KCNN4: variants seen among roughly 807,000 people sequenced by gnomAD.
KCNN4 encodes the protein potassium calcium-activated channel subfamily N member 4, also known as intermediate conductance calcium-activated potassium channel protein 4.
KCNN4 carries 31 observed loss-of-function variants against 45.2 expected under a neutral mutation model. The observed-to-expected ratio is 0.69, with a 90% CI of 0.52 to 0.92. KCNN4 has a LOEUF of 0.92. Ranked by LOEUF, KCNN4 falls within the 40% of genes least tolerant of loss-of-function variation. The pLI, the probability that KCNN4 is intolerant of heterozygous loss-of-function variation, is 0.00. For missense variants in KCNN4, 463 were observed against 574.0 expected (o/e 0.81, Z 1.98); for synonymous variants, 231 against 254.6 (o/e 0.91, Z 0.88).
intron 1 of KCNN4, 63 bp downstream of exon 1, chr19:43,780,640 A>ACCCCCCCCCCCCCCCCC: frequency 2.2e-6 from 1 of 464,876 alleles, no homozygotes; most frequent in Non-Finnish European, 3.0e-6. Flanking sequence ...AAGAGTCCTG[A>ACCCCCCCCCCCCCCCCC]CCCCCAGCCC....
chr19:43,775,628 A>G (rs1480583844), intron 2 of KCNN4, among the ~76,000 whole-genome samples: 1 of 152,190 alleles, frequency 6.6e-6, no homozygotes, highest in African/African-American at 2.4e-5. Context: ...CACATGGCCA[A>G]TAATCCCCAT....
In KCNN4 at chr19:43,769,218, C is replaced by A; in HGVS notation, c.1050-186G>T. ...CACGAGCCCCCATCCCCAGTAGAAA[C>A]CCAGGTACCCAGGTCCGCAGACACA... On this transcript the variant is annotated intron_variant, in intron 6 of 8. Transcript: ENST00000648319. The surrounding 1 kb of genome is among the most constrained non-coding windows in gnomAD (Gnocchi z 4.4). The A allele has an allele frequency of 1.4e-6, 1 of 691,376 alleles. No individual in the cohort carries two copies. Among genetic ancestry groups the A allele is most frequent in the Admixed American group, 2.4e-5 (1 of 41,296 alleles). 42.8% of individuals were successfully genotyped at this position (691,376 alleles called of 1,614,324 possible). A position where few individuals can be genotyped will look rare whatever the true frequency, so the allele number is the denominator to read the frequency against.
rs1337896495 is a variant in KCNN4, at chr19:43,774,599, C to A, written c.276G>T (p.Gly92=). Residue 92 remains glycine (G), a synonymous_variant, in exon 3 of 9, where the codon GGG becomes GGT. Transcript: ENST00000648319. This position sits in a 1 kb window ranked among gnomAD's most constrained non-coding sequence, Gnocchi z 5.6. ...TCAGCGCCACGCGCCAGTCCCGCAGCCCGTTGTCGGTCATGAACAGCTGCC... is the reference window on the plus strand; with the variant it reads ...TCAGCGCCACGCGCCAGTCCCGCAGACCGTTGTCGGTCATGAACAGCTGCC... The part of the protein sequence containing the change: ...KEVQLFMTDN[G]LRDWRVALTG... 1 of 1,512,674 alleles carries A rather than the reference C, an allele frequency of 6.6e-7. No individual in the cohort carries two copies. The highest frequency in any genetic ancestry group is 8.8e-7 in the Non-Finnish European group (1 of 1,140,474). The allele number at this position is 1,512,674 out of a possible 1,614,324, so 93.7% of individuals were successfully genotyped here. A position where few individuals can be genotyped will look rare whatever the true frequency, so the allele number is the denominator to read the frequency against.
At position 43,769,611 on chromosome 19, in the gene KCNN4, G is replaced by A. The variant is rs1274059905; in HGVS notation, c.931-51C>T. The A allele has an allele frequency of 9.4e-6, 15 of 1,588,034 alleles. No individual in the cohort carries two copies. The South Asian group carries it at 1.5e-4, about 16-fold the overall frequency. ...TGGAGATAGACCCTTACGGTTCTGG[G>A]AAGGCAGGGCTAGGGCTGGGACTCT... On this transcript the variant is annotated intron_variant, in intron 5 of 8. Transcript: ENST00000648319. The surrounding 1 kb of genome is among the most constrained non-coding windows in gnomAD (Gnocchi z 4.4).
At position 43,774,626 on chromosome 19, in the gene KCNN4, GTA is replaced by G; in HGVS notation, c.256-9_256-8del. 2.0e-6 allele frequency: 3 copies of G among 1,492,530 alleles called. No individual in the cohort carries two copies. In the South Asian group the frequency reaches 4.0e-5, roughly 20 times the overall value. The allele number at this position is 1,492,530 out of a possible 1,614,324, so 92.5% of individuals were successfully genotyped here. A position where few individuals can be genotyped will look rare whatever the true frequency, so the allele number is the denominator to read the frequency against. On this transcript the variant is annotated splice_polypyrimidine_tract_variant and splice_region_variant and intron_variant, in intron 2 of 8. Coordinates refer to ENST00000648319, the MANE Select transcript of KCNN4 (RefSeq NM_002250.3). This position sits in a 1 kb window ranked among gnomAD's most constrained non-coding sequence, Gnocchi z 5.6. ...CGTTGTCGGTCATGAACAGCTGCCG[GTA>G]GGGGGCCAAGAAGGGAGGGGTCAGG...
At chr19:43,776,694 T>G in intron 1 of KCNN4, 58 bp from the exon 2 acceptor site, 1 of 1,069,882 alleles carries the variant, frequency 9.3e-7, no homozygotes, top group Non-Finnish European at 1.4e-6. Context: ...CGCCTGGCCC[T>G]CCACCTTTCC....
intron 8 of KCNN4, 187 bp from the exon 9 acceptor site, chr19:43,767,276 T>A (rs963795528): frequency 4.5e-6 from 2 of 444,002 alleles, no homozygotes; most frequent in African/African-American, 1.9e-5. Flanking sequence ...CCAGACAATG[T>A]GCCCAGGACA....
intron 2 of KCNN4, among the ~76,000 whole-genome samples, chr19:43,775,491 C>A (rs10410107): frequency 0.05 from 7,677 of 152,210 alleles, 200 homozygotes; most frequent in African/African-American, 0.059. Flanking sequence ...GAAGCTGAGG[C>A]CCAGGTCCCT....
At chr19:43,767,510 GC>G in intron 8 of KCNN4, 29 bp downstream of exon 8, 1 of 1,604,402 alleles carries the variant, frequency 6.2e-7, no homozygotes, top group South Asian at 1.1e-5. Flanking sequence ...CCTCCAGGAT[GC>G]CTTCCTGCCC....
chr19:43,771,973 T>A, intron 4 of KCNN4, 27 bp downstream of exon 4: 1 of 1,573,082 alleles, frequency 6.4e-7, no homozygotes, highest in Admixed American at 1.9e-5. Context: ...GGGATAGGGA[T>A]CATGTCCCCA....
chr19:43,769,854 C>A lies in KCNN4; in HGVS notation c.820-25G>T. ...CCTGTGGGCACAGCAGGCACCGTGG[C>A]ATGAGGCTGTGCCACCGACTCCCTC... On this transcript the variant is annotated intron_variant, in intron 4 of 8. Coordinates refer to ENST00000648319, the MANE Select transcript of KCNN4 (RefSeq NM_002250.3). This position sits in a 1 kb window ranked among gnomAD's most constrained non-coding sequence, Gnocchi z 4.4. 6.4e-7 allele frequency: 1 copy of A among 1,559,194 alleles called. No homozygotes were observed.
chr19:43,773,597 A>G (rs1329502291), intron 3 of KCNN4, among the ~76,000 whole-genome samples: 3 of 152,010 alleles, frequency 2.0e-5, no homozygotes, highest in Non-Finnish European at 4.4e-5. Context: ...TTGAAATCAC[A>G]CTTTGAGGAC....
rs750350816 is a variant in KCNN4, at chr19:43,769,301, A to C, written c.1049+141T>G. ...CATAGAGTCATGCACGGTCAGATCC[A>C]GGTGAGACCTGGATGTTGAGTGAGA... On this transcript the variant is annotated intron_variant, in intron 6 of 8. Coordinates refer to ENST00000648319, the MANE Select transcript of KCNN4 (RefSeq NM_002250.3). This position sits in a 1 kb window ranked among gnomAD's most constrained non-coding sequence, Gnocchi z 4.4. 6 of 735,468 alleles carry C rather than the reference A, an allele frequency of 8.2e-6. No homozygotes were observed. The highest frequency in any genetic ancestry group is 1.4e-5 in the Non-Finnish European group (6 of 420,184). 45.6% of individuals were successfully genotyped at this position (735,468 alleles called of 1,614,324 possible).
rs1355641367 is a variant in KCNN4 at position 43,776,572 on chromosome 19, A to G, written c.224T>C (p.Leu75Pro). 5 of 1,613,840 alleles carry G rather than the reference A, an allele frequency of 3.1e-6. No individual in the cohort carries two copies. The highest frequency in any genetic ancestry group is 4.2e-6 in the Non-Finnish European group (5 of 1,179,840). ...CTCTTTGGCATGAAAGGCCACGATG[A>G]GGCAGAGGAGTAAGAAGGTGGAAAT... ...ISISTFLLLC[L>P]IVAFHAKEVQ... Residue 75 changes from leucine (L) to proline (P), a missense_variant, in exon 2 of 9, where the codon CTC becomes CCC. Transcript: ENST00000648319.
rs1433854005 is a variant in KCNN4 at position 43,772,755 on chromosome 19, A to G, written c.684-620T>C. On this transcript the variant is annotated intron_variant, in intron 3 of 8. Coordinates refer to ENST00000648319, the MANE Select transcript of KCNN4 (RefSeq NM_002250.3). This position sits in a 1 kb window ranked among gnomAD's most constrained non-coding sequence, Gnocchi z 4.4. ...AAGACCAGCAGGGAAAGCTTCATTC[A>G]TGAGGGCCCCTGACACCCCAGACCC... Among the ~76,000 whole-genome samples the G allele has an allele frequency of 2.0e-5, 3 of 152,238 alleles. No homozygotes were observed. Among genetic ancestry groups the G allele is most frequent in the Admixed American group, 2.0e-4 (3 of 15,298 alleles).
rs190082628 is a variant in KCNN4, at chr19:43,774,834, A to G, written c.256-215T>C. 3.4e-3 allele frequency among the ~76,000 whole-genome samples: 522 copies of G among 152,200 alleles called. 8 individuals carry two copies. Among genetic ancestry groups the G allele is most frequent in the East Asian group, 9.7e-4 (5 of 5,172 alleles). ...CTCCTTCCCCACCACCCACCCCACT[A>G]GTTTCAGCCCACTTCCAGCCTTTGA... On this transcript the variant is annotated intron_variant, in intron 2 of 8. Transcript: ENST00000648319. The surrounding 1 kb of genome is among the most constrained non-coding windows in gnomAD (Gnocchi z 5.6).
Position 43,769,542 on chromosome 19 carries a change from G to C in KCNN4, c.949C>G (p.Arg317Gly). The C allele has an allele frequency of 6.2e-7, 1 of 1,614,064 alleles. No individual in the cohort carries two copies. Among genetic ancestry groups the C allele is most frequent in the Non-Finnish European group, 8.5e-7 (1 of 1,179,964 alleles). The part of the protein sequence containing the change: ...YTKEMKESAA[R>G]VLQEAWMFYK... ...AACATCCAGGCTTCTTGTAGCACTCGGGCAGCGGACTCCTTCATCTGGGGG... is the reference window on the plus strand; with the variant it reads ...AACATCCAGGCTTCTTGTAGCACTCCGGCAGCGGACTCCTTCATCTGGGGG... The change falls in exon 6 of 9, where the codon CGA becomes GGA. Residue 317 changes from arginine to glycine, a missense_variant. Arg to Gly is a moderately radical substitution (Grantham distance 125). Around this residue, in one of 3 missense-constraint regions of KCNN4, gnomAD observed 129 missense variants for 149.4 expected, o/e 0.86. Coordinates refer to ENST00000648319, the MANE Select transcript of KCNN4 (RefSeq NM_002250.3). This position sits in a 1 kb window ranked among gnomAD's most constrained non-coding sequence, Gnocchi z 4.4.
chr19:43,767,227 G>T, intron 8 of KCNN4, 138 bp from the exon 9 acceptor site: 1 of 312,694 alleles, frequency 3.2e-6, no homozygotes, highest in Non-Finnish European at 6.2e-6. Flanking sequence ...CGAGGCCAGG[G>T]GGCAGGAGGG....
At position 43,769,799 on chromosome 19, in the gene KCNN4, C is replaced by T. The variant is rs202092056; in HGVS notation, c.850G>A (p.Val284Met). 8.1e-6 allele frequency: 13 copies of T among 1,613,432 alleles called. No individual in the cohort carries two copies. The highest frequency in any genetic ancestry group is 4.0e-5 in the African/African-American group (3 of 74,878). ...TTAAACTCCAGCTTCCGGGCCACCA[C>T]GGCCACCAGCAGGGCTGTGCAGCAG... ...GVCCTALLVA[V>M]VARKLEFNKA... The change falls in exon 5 of 9, where the codon GTG becomes ATG. Residue 284 changes from valine to methionine, a missense_variant. Physicochemically the swap from Val to Met is conservative, Grantham distance 21. Transcript: ENST00000648319. The surrounding 1 kb of genome is among the most constrained non-coding windows in gnomAD (Gnocchi z 4.4).
Sources: gnomAD v4.1 joint callset for allele counts (sites outside exome capture counted in the v4.1 genomes callset) on GRCh38, gnomAD v4.1.1 for gene constraint, gnomAD v4.1.1 regional missense constraint, Gnocchi (gnomAD v3.1) non-coding constraint, MANE v1.5 for transcripts, NCBI Gene and HGNC (gene_info 2026-07-23, HGNC 2026-07-21) for gene names.